Variants in HECW1 observed in about 807,000 individuals in gnomAD.
HECW1 encodes E3 ubiquitin-protein ligase HECW1.
A neutral mutation model predicts 182.3 loss-of-function variants in HECW1; 61 were observed. The ratio of observed to expected loss-of-function variants is 0.33; its 90% CI spans 0.27 to 0.41. The LOEUF is 0.41. HECW1 is among the 10% of genes least tolerant of loss of function. The pLI is 1.00. For missense variants in HECW1, 1,739 were observed against 2,108.9 expected (o/e 0.82, Z 3.44); for synonymous variants, 859 against 832.6 (o/e 1.03, Z -0.55).
At chr7:43,201,796 GA>G (rs771738628) in intron 2 of HECW1, among the ~76,000 whole-genome samples, 1 of 151,654 alleles carries the variant, frequency 6.6e-6, no homozygotes, top group African/African-American at 2.4e-5. Flanking sequence ...ACAACTAAAC[GA>G]AAAAAATATA....
chr7:43,332,808 C>G (rs1309438167), intron 5 of HECW1, among the ~76,000 whole-genome samples: 1 of 152,226 alleles, frequency 6.6e-6, no homozygotes, highest in Non-Finnish European at 1.5e-5. Context: ...CCCAATGTAC[C>G]TGGCATCATG....
intron 5 of HECW1, among the ~76,000 whole-genome samples, chr7:43,333,922 C>G (rs1411676952): frequency 6.6e-6 from 1 of 152,186 alleles, no homozygotes; most frequent in South Asian, 2.1e-4. Flanking sequence ...ATGGCCCAAT[C>G]CACACTGGGA....
At chr7:43,329,834 A>C (rs967759519) in intron 5 of HECW1, among the ~76,000 whole-genome samples, 1 of 152,182 alleles carries the variant, frequency 6.6e-6, no homozygotes, top group Non-Finnish European at 1.5e-5. Context: ...AGTGTTTCTC[A>C]AAGTGTAGCC....
Position 43,444,513 on chromosome 7 carries a change from G to A in HECW1, c.1341G>A (p.Lys447=), listed in dbSNP as rs1410082773. 3 of 1,611,826 alleles carry A rather than the reference G, an allele frequency of 1.9e-6. No homozygotes were observed. Among genetic ancestry groups the A allele is most frequent in the Non-Finnish European group, 2.5e-6 (3 of 1,179,186 alleles). ...GGGAGCTCCTGGCCCAGGTGCAAAA[G>A]GACATCCAGCCTGCCCCCAGTGCAG... is the stretch of plus-strand genomic sequence containing the variant. ...GAGELLAQVQ[K]DIQPAPSAEE... Residue 447 remains lysine, a synonymous_variant, in exon 11 of 30, where the codon AAG becomes AAA. Coordinates refer to ENST00000395891, the MANE Select transcript of HECW1 (RefSeq NM_015052.5). This position sits in a 1 kb window ranked among gnomAD's most constrained non-coding sequence, Gnocchi z 4.3.
intron 2 of HECW1, among the ~76,000 whole-genome samples, chr7:43,116,725 G>A (rs1267556895): frequency 2.0e-5 from 3 of 152,228 alleles, no homozygotes; most frequent in Non-Finnish European, 2.9e-5. Context: ...TAAAACAGCC[G>A]TTGGCACATT....
At chr7:43,218,848 C>A (rs373091000) in intron 2 of HECW1, among the ~76,000 whole-genome samples, 1 of 152,006 alleles carries the variant, frequency 6.6e-6, no homozygotes, top group South Asian at 2.1e-4. Flanking sequence ...CACGGACACA[C>A]GTGGAGTGGT....
At chr7:43,504,575 C>T (rs1244763766) in intron 21 of HECW1, among the ~76,000 whole-genome samples, 1 of 152,222 alleles carries the variant, frequency 6.6e-6, no homozygotes, top group Non-Finnish European at 1.5e-5. Flanking sequence ...CTGCTTCCCC[C>T]ACTTCTGCAA....
At chr7:43,402,142 T>C (rs977722683) in intron 7 of HECW1, among the ~76,000 whole-genome samples, 4 of 152,068 alleles carry the variant, frequency 2.6e-5, no homozygotes, top group African/African-American at 9.7e-5. Context: ...TTCACCATCC[T>C]TCAGGTCGGT....
intron 7 of HECW1, among the ~76,000 whole-genome samples, chr7:43,405,342 T>C (rs747358795): frequency 2.6e-5 from 4 of 152,120 alleles, no homozygotes; most frequent in Non-Finnish European, 5.9e-5. Context: ...CTCACAAGAC[T>C]CAGCATCTAG....
intron 2 of HECW1, among the ~76,000 whole-genome samples, chr7:43,156,233 G>A (rs1037411106): frequency 2.0e-5 from 3 of 152,152 alleles, no homozygotes; most frequent in African/African-American, 7.2e-5. Flanking sequence ...TAAGATTTTG[G>A]TGTGCATTAA....
At chr7:43,528,691 G>A (rs2080860081) in intron 24 of HECW1, among the ~76,000 whole-genome samples, 1 of 152,204 alleles carries the variant, frequency 6.6e-6, no homozygotes, top group Non-Finnish European at 1.5e-5. Context: ...AGCAGCTCTG[G>A]TCTCACTCCT....
intron 2 of HECW1, among the ~76,000 whole-genome samples, chr7:43,203,678 G>C (rs1418965217): frequency 6.6e-6 from 1 of 152,060 alleles, no homozygotes; most frequent in Non-Finnish European, 1.5e-5. Context: ...GGGTGGTCTT[G>C]AACTCCTGAC....
At chr7:43,257,090 G>T (rs1800663173) in intron 3 of HECW1, among the ~76,000 whole-genome samples, 1 of 152,160 alleles carries the variant, frequency 6.6e-6, no homozygotes, top group East Asian at 1.9e-4. Flanking sequence ...CATTCTGTGA[G>T]CCTTAACTGA....
intron 3 of HECW1, among the ~76,000 whole-genome samples, chr7:43,308,707 C>T (rs1403242869): frequency 6.6e-6 from 1 of 151,984 alleles, no homozygotes; most frequent in Non-Finnish European, 1.5e-5. Context: ...CTGCAACCTC[C>T]GCCTCCTGGG....
At chr7:43,281,066 G>A (rs1803836051) in intron 3 of HECW1, among the ~76,000 whole-genome samples, 1 of 151,964 alleles carries the variant, frequency 6.6e-6, no homozygotes, top group African/African-American at 2.4e-5. Context: ...TCATTGACTG[G>A]GGGAGTGGAG....
intron 14 of HECW1, among the ~76,000 whole-genome samples, chr7:43,465,275 CA>C (rs1356589521): frequency 1.3e-5 from 2 of 152,230 alleles, no homozygotes; most frequent in Non-Finnish European, 2.9e-5. Context: ...CACAGCCATG[CA>C]TCTACCCCAC....
chr7:43,451,791 T>C (rs746496844), intron 12 of HECW1, among the ~76,000 whole-genome samples: 21 of 152,222 alleles, frequency 1.4e-4, no homozygotes, highest in Non-Finnish European at 2.8e-4. Flanking sequence ...TGGTTTTGCT[T>C]ATTTTTCAAG....
chr7:43,290,296 C>T (rs1041090693), intron 3 of HECW1, among the ~76,000 whole-genome samples: 1 of 151,854 alleles, frequency 6.6e-6, no homozygotes, highest in South Asian at 2.1e-4. Flanking sequence ...GATGTTATAC[C>T]ACAGTCAGTT....
At chr7:43,358,949 C>T (rs562509083) in intron 5 of HECW1, among the ~76,000 whole-genome samples, 2 of 150,226 alleles carry the variant, frequency 1.3e-5, no homozygotes, top group African/African-American at 2.5e-5. Context: ...TTCAGCCTTC[C>T]GAAGTAGCTG....
Sources: gnomAD v4.1 joint callset for allele counts (sites outside exome capture counted in the v4.1 genomes callset) on GRCh38, gnomAD v4.1.1 for gene constraint, Gnocchi (gnomAD v3.1) non-coding constraint, MANE v1.5 for transcripts, NCBI Gene and HGNC (gene_info 2026-07-23, HGNC 2026-07-21) for gene names.